Variants in ARHGAP32 observed in about 807,000 individuals in gnomAD.
ARHGAP32 encodes Rho GTPase activating protein 32.
A neutral mutation model predicts 186.5 loss-of-function variants in ARHGAP32; 51 were observed. The observed-to-expected ratio is 0.27, with a 90% CI of 0.22 to 0.35. ARHGAP32 has a LOEUF of 0.35. Ranked by LOEUF, ARHGAP32 falls within the 10% of genes least tolerant of loss-of-function variation. The probability of loss-of-function intolerance (pLI) is 1.00; values close to 1 mark genes in which losing one functional copy is unlikely to be tolerated. For missense variants in ARHGAP32, 2,186 were observed against 2,623.5 expected (o/e 0.83, Z 3.64); for synonymous variants, 950 against 964.3 (o/e 0.99, Z 0.27).
rs111911890 is a variant in ARHGAP32, at chr11:129,025,935, A to G, written c.1045+14993T>C. Among the ~76,000 whole-genome samples, 1,464 of 150,452 alleles carry G rather than the reference A, an allele frequency of 9.7e-3. 28 individuals are homozygous for G. Among genetic ancestry groups the G allele is most frequent in the African/African-American group, 0.034 (1,384 of 41,178 alleles). On this transcript the variant is annotated intron_variant, in intron 11 of 22. Transcript: ENST00000682385. ...ATACATGTTATTACTTGACATATATATTTAAGTAATATATGTTATATATTA... is the reference window on the plus strand; with the variant it reads ...ATACATGTTATTACTTGACATATATGTTTAAGTAATATATGTTATATATTA...
At chr11:129,196,216 G>C (rs1320410786), upstream of ARHGAP32, among the ~76,000 whole-genome samples, 2 of 152,182 alleles carry the variant, frequency 1.3e-5, no homozygotes, top group African/African-American at 4.8e-5. Flanking sequence ...AGTAGCAGTG[G>C]TAAGTAGTAA....
intron 1 of ARHGAP32, among the ~76,000 whole-genome samples, chr11:129,191,342 G>A (rs578075633): frequency 1.3e-5 from 2 of 152,200 alleles, no homozygotes; most frequent in African/African-American, 2.4e-5. Context: ...AGAAAAGCCA[G>A]AATAAAGCCC....
chr11:129,001,734 T>C (rs138419699), intron 11 of ARHGAP32, among the ~76,000 whole-genome samples: 8 of 152,314 alleles, frequency 5.3e-5, no homozygotes, highest in African/African-American at 1.7e-4. Context: ...AGTAGTTTTA[T>C]AGTTTGAGGT....
intron 11 of ARHGAP32, among the ~76,000 whole-genome samples, chr11:129,022,985 C>T (rs556972869): frequency 6.6e-6 from 1 of 152,144 alleles, no homozygotes; most frequent in East Asian, 1.9e-4. Flanking sequence ...TGAAAATGAG[C>T]TCTAAATTCT....
chr11:128,985,856 GTGTA>G (rs1335428419), intron 15 of ARHGAP32, 143 bp downstream of exon 15: 19,494 of 109,942 alleles, frequency 0.18, 1,195 homozygotes, highest in African/African-American at 0.19. Flanking sequence ...GTGTGTGTGT[GTGTA>G]TATATATATA....
At chr11:129,250,013 G>C (rs1485160862) in intron 1 of ARHGAP32, among the ~76,000 whole-genome samples, 1 of 151,610 alleles carries the variant, frequency 6.6e-6, no homozygotes, top group Non-Finnish European at 1.5e-5. Context: ...AGGAGTTCTA[G>C]GACCAACCTG....
intron 2 of ARHGAP32, among the ~76,000 whole-genome samples, chr11:129,163,650 A>G (rs1591663122): frequency 6.6e-6 from 1 of 152,050 alleles, no homozygotes; most frequent in East Asian, 1.9e-4. Flanking sequence ...TACCATCACT[A>G]TTTACCTACT....
intron 13 of ARHGAP32, among the ~76,000 whole-genome samples, chr11:128,987,253 G>T (rs1479895074): frequency 1.3e-5 from 2 of 152,170 alleles, no homozygotes; most frequent in African/African-American, 4.8e-5. Flanking sequence ...TCTCCAGGAG[G>T]TTAATTAATA....
At chr11:129,212,282 T>C (rs781497926) in intron 1 of ARHGAP32, among the ~76,000 whole-genome samples, 2 of 152,168 alleles carry the variant, frequency 1.3e-5, no homozygotes, top group Non-Finnish European at 2.9e-5. Context: ...ATAAGAGGCT[T>C]GAATGAGTGG....
At chr11:128,989,015 C>A (rs1324026390) in intron 12 of ARHGAP32, among the ~76,000 whole-genome samples, 1 of 152,126 alleles carries the variant, frequency 6.6e-6, no homozygotes, top group Non-Finnish European at 1.5e-5. Flanking sequence ...AAAATTTGGT[C>A]TGCAAAGAGC....
intron 6 of ARHGAP32, among the ~76,000 whole-genome samples, chr11:129,081,558 T>G (rs969587019): frequency 1.3e-5 from 2 of 152,030 alleles, no homozygotes; most frequent in East Asian, 1.9e-4. Context: ...AATCCAGCAT[T>G]GCTTTATGAT....
At chr11:129,076,173 AC>A (rs1427735496) in intron 6 of ARHGAP32, among the ~76,000 whole-genome samples, 2 of 152,222 alleles carry the variant, frequency 1.3e-5, no homozygotes, top group African/African-American at 4.8e-5. Context: ...TAACAATGAG[AC>A]AAACCCTCAG....
chr11:129,224,837 T>C (rs924378506), intron 1 of ARHGAP32, among the ~76,000 whole-genome samples: 1 of 142,680 alleles, frequency 7.0e-6, no homozygotes, highest in African/African-American at 2.6e-5. Context: ...GAGGGCCAGG[T>C]GGGGTGGCTC....
At chr11:129,050,976 CT>C (rs970908747) in intron 10 of ARHGAP32, among the ~76,000 whole-genome samples, 8 of 152,190 alleles carry the variant, frequency 5.3e-5, no homozygotes, top group South Asian at 2.1e-4. Flanking sequence ...TGAACCCATC[CT>C]TTTTTTATGG....
chr11:129,124,456 G>A (rs1773705078), intron 3 of ARHGAP32, among the ~76,000 whole-genome samples: 1 of 152,064 alleles, frequency 6.6e-6, no homozygotes, highest in African/African-American at 2.4e-5. Flanking sequence ...AGGCAAACCT[G>A]AAATCTAATA....
intron 1 of ARHGAP32, among the ~76,000 whole-genome samples, chr11:129,201,442 C>T (rs371124635): frequency 2.0e-5 from 3 of 152,016 alleles, no homozygotes; most frequent in Admixed American, 1.3e-4. Flanking sequence ...AATACTATAA[C>T]GGTATACCTA....
At chr11:128,992,430 C>CACG (rs1946083306) in intron 12 of ARHGAP32, among the ~76,000 whole-genome samples, 1 of 151,108 alleles carries the variant, frequency 6.6e-6, no homozygotes, top group Admixed American at 6.6e-5. Context: ...GTCACATCAC[C>CACG]ACCACCACCA....
At chr11:129,101,921 G>A (rs376684796) in intron 5 of ARHGAP32, among the ~76,000 whole-genome samples, 1 of 152,064 alleles carries the variant, frequency 6.6e-6, no homozygotes, top group Non-Finnish European at 1.5e-5. Context: ...CTCCAAGGTC[G>A]AAATGAAAGA....
chr11:129,089,160 G>A (rs1187040428), intron 6 of ARHGAP32, among the ~76,000 whole-genome samples: 1 of 152,084 alleles, frequency 6.6e-6, no homozygotes, highest in African/African-American at 2.4e-5. Flanking sequence ...ATAAGAATTT[G>A]TTCTTCTTTC....
Sources: allele counts gnomAD v4.1 joint callset (sites outside exome capture counted in the v4.1 genomes callset), GRCh38; gene constraint gnomAD v4.1.1; transcripts MANE v1.5; gene names NCBI Gene and HGNC (gene_info 2026-07-23, HGNC 2026-07-21).